NBPF10: variants seen among roughly 807,000 people sequenced by gnomAD.
The protein encoded by NBPF10 is NBPF family member NBPF10.
In NBPF10, 63 loss-of-function variants were observed where a neutral mutation model predicts 77.9. The ratio of observed to expected loss-of-function variants is 0.81; its 90% CI spans 0.66 to 1.00. The LOEUF (loss-of-function observed/expected upper bound fraction) is 1.00. Among genes scored for constraint, NBPF10 ranks in the 50% least tolerant of loss-of-function variants. The pLI is 0.00. For synonymous variants in NBPF10, 146 were observed against 264.5 expected, an observed-to-expected ratio of 0.55 and a Z score of 4.35; for missense variants, 522 against 679.8, an observed-to-expected ratio of 0.77 and a Z score of 2.58.
At chr1:146,066,715 G>A (rs1553777584) in intron 89 of NBPF10, among the ~76,000 whole-genome samples, 154 bp from the exon 90 acceptor site, 1 of 149,130 alleles carries the variant, frequency 6.7e-6, no homozygotes, top group Non-Finnish European at 1.5e-5. Context: ...CCTTTATGTT[G>A]GGATAGAACA....
chr1:146,126,368 A>G (rs1371179920), exon 14 of NBPF10: 5 of 1,386,870 alleles, frequency 3.6e-6, no homozygotes, highest in Non-Finnish European at 5.1e-6. Context: ...GAGTCCTGCA[A>G]GACTTCAGGC....
At chr1:146,126,121 G>T in intron 14 of NBPF10, 115 bp downstream of exon 14, 5 of 745,162 alleles carry the variant, frequency 6.7e-6, no homozygotes, top group East Asian at 5.0e-5. Flanking sequence ...TGTGCCTATA[G>T]GTCCTCCCTG....
At position 146,125,555 on chromosome 1, in the gene NBPF10, G is replaced by C. The variant is rs781859043; in HGVS notation, c.2027-39C>G. 1.5e-5 allele frequency: 10 copies of C among 667,292 alleles called. 1 individual carries two copies. Among genetic ancestry groups the C allele is most frequent in the East Asian group, 5.2e-5 (2 of 38,204 alleles). The allele number at this position is 667,292 out of a possible 1,614,324, so 41.3% of individuals were successfully genotyped here. ...AGACATGGACAGACATATTAAGCTC[G>C]TTCTCCTACACACATAACAATCCAC... On this transcript the variant is annotated intron_variant, in intron 14 of 89. Coordinates refer to ENST00000583866, the Ensembl canonical transcript of NBPF10.
At chr1:146,126,347 A>C (rs1553789919) in exon 14 of NBPF10, 3 of 1,354,892 alleles carry the variant, frequency 2.2e-6, no homozygotes, top group African/African-American at 1.5e-5. Flanking sequence ...GTTGAATAAC[A>C]TCTATCCTGT....
chr1:146,125,989 A>C (rs77628549), intron 14 of NBPF10, among the ~76,000 whole-genome samples: 28,742 of 151,564 alleles, frequency 0.19, 5,853 homozygotes, highest in African/African-American at 0.5. Context: ...GCCCAGATCC[A>C]ACATCTTGAG....
intron 13 of NBPF10, 70 bp from the exon 14 acceptor site, chr1:146,126,478 C>T (rs1167091252): frequency 6.7e-6 from 5 of 747,386 alleles, no homozygotes; most frequent in Non-Finnish European, 1.2e-5. Flanking sequence ...AGCTAGATTT[C>T]ATGGCTAACA....
At position 146,125,705 on chromosome 1, in the gene NBPF10, G is replaced by C. The variant is rs144997494; in HGVS notation, c.2027-189C>G. ...TTCCTTGGTTTTTGTCCCAGAAACT[G>C]TGGGTAAAATTCCCTATTCTGGTAG... is the stretch of plus-strand genomic sequence containing the variant. On this transcript the variant is annotated intron_variant, in intron 14 of 89. Coordinates refer to ENST00000583866, the Ensembl canonical transcript of NBPF10. Among the ~76,000 whole-genome samples the C allele has an allele frequency of 2.3e-3, 307 of 132,030 alleles. 7 individuals are homozygous for C. The highest frequency in any genetic ancestry group is 8.8e-3 in the African/African-American group (292 of 33,342). The allele number at this position is 132,030 out of a possible 152,430, so 86.6% of individuals were successfully genotyped here.
At chr1:146,067,806 G>T (rs5011763) in intron 88 of NBPF10, among the ~76,000 whole-genome samples, 197 bp downstream of exon 88, 6 of 151,954 alleles carry the variant, frequency 3.9e-5, no homozygotes, top group African/African-American at 9.7e-5. Flanking sequence ...AGACTAGGAA[G>T]AGAGTCTTGC....
At chr1:146,139,008 T>C (rs1301186498) in intron 5 of NBPF10, among the ~76,000 whole-genome samples, 2 of 139,662 alleles carry the variant, frequency 1.4e-5, no homozygotes, top group African/African-American at 2.5e-5. Flanking sequence ...GGTTTCGAAC[T>C]CCTGAGCTCA....
intron 89 of NBPF10, 113 bp from the exon 90 acceptor site, chr1:146,066,674 A>T (rs1217348005): frequency 8.0e-5 from 43 of 540,040 alleles, no homozygotes; most frequent in East Asian, 4.1e-4. Flanking sequence ...AAAGGATAGA[A>T]CCATTAATGA....
chr1:146,139,131 G>A (rs879999546), intron 5 of NBPF10, among the ~76,000 whole-genome samples: 3,469 of 122,600 alleles, frequency 0.028, 6 homozygotes, highest in East Asian at 0.092. Context: ...ATGGAGTCTC[G>A]CTCTGTCTCC....
At chr1:146,109,311 GACAC>G (rs1203658432) in intron 35 of NBPF10, among the ~76,000 whole-genome samples, 197 bp from the exon 36 acceptor site, 1,028 of 86,616 alleles carry the variant, frequency 0.012, 2 homozygotes, top group Non-Finnish European at 0.013. Flanking sequence ...AAGACAGATA[GACAC>G]ACACACACAC....
chr1:146,069,333 G>A (rs1386817556), intron 86 of NBPF10, among the ~76,000 whole-genome samples: 1 of 92,022 alleles, frequency 1.1e-5, no homozygotes, highest in East Asian at 2.4e-4. Context: ...CACAGGCATG[G>A]CCTGAGACTA....
chr1:146,126,177 A>T (rs1250951068), intron 14 of NBPF10, 59 bp downstream of exon 14: 4 of 921,864 alleles, frequency 4.3e-6, no homozygotes, highest in East Asian at 2.4e-5. Flanking sequence ...TGCAGTAGGA[A>T]TATGACCCTA....
At chr1:146,129,178 G>A (rs1405063136) in intron 11 of NBPF10, among the ~76,000 whole-genome samples, 2 of 150,326 alleles carry the variant, frequency 1.3e-5, no homozygotes, top group African/African-American at 4.9e-5. Flanking sequence ...TCAGAAAGTC[G>A]GTAATAACAA....
chr1:146,069,587 T>A (rs1655594107), exon 86 of NBPF10: 1 of 1,480,030 alleles, frequency 6.8e-7, no homozygotes, highest in Non-Finnish European at 9.2e-7. Context: ...CTCCAATACA[T>A]AAAAGGCACT....
In NBPF10 at chr1:146,068,190, A is replaced by G; in HGVS notation, c.10863-15T>C. 2.7e-6 allele frequency: 1 copy of G among 365,042 alleles called. No homozygotes were observed. Among genetic ancestry groups the G allele is most frequent in the Non-Finnish European group, 4.8e-6 (1 of 209,020 alleles). The allele number at this position is 365,042 out of a possible 1,614,324, so 22.6% of individuals were successfully genotyped here. A position where few individuals can be genotyped will look rare whatever the true frequency, so the allele number is the denominator to read the frequency against. ...CCCTGCTGAGCCTGGAAAAGTAGGA[A>G]AAAGTAAAGAATAAGCCAGGGGGAA... On this transcript the variant is annotated splice_polypyrimidine_tract_variant and intron_variant, in intron 87 of 89. Transcript: ENST00000583866.
At chr1:146,067,774 A>T (rs587714173) in intron 88 of NBPF10, among the ~76,000 whole-genome samples, 1 of 151,680 alleles carries the variant, frequency 6.6e-6, no homozygotes, top group African/African-American at 2.4e-5. Flanking sequence ...GAATAGGATC[A>T]GGGCGCCACA....
intron 9 of NBPF10, 83 bp downstream of exon 9, chr1:146,134,110 T>A (rs1465333566): frequency 7.8e-7 from 1 of 1,279,548 alleles, no homozygotes; most frequent in Admixed American, 1.7e-5. Flanking sequence ...TTTTGGCCCA[T>A]CATAGATGCC....
Sources: gnomAD v4.1 joint callset for allele counts (sites outside exome capture counted in the v4.1 genomes callset) on GRCh38, gnomAD v4.1.1 for gene constraint, MANE v1.5 for transcripts, NCBI Gene and HGNC (gene_info 2026-07-23, HGNC 2026-07-21) for gene names.